STK39: variants seen among roughly 807,000 people sequenced by gnomAD.
STK39 encodes STE20/SPS1-related proline-alanine-rich protein kinase.
In STK39, 20 loss-of-function variants were observed where a neutral mutation model predicts 77.8. The observed-to-expected ratio is 0.26, with a 90% CI of 0.18 to 0.37. The LOEUF (loss-of-function observed/expected upper bound fraction) is 0.37. STK39 is among the 10% of genes least tolerant of loss of function. The probability of loss-of-function intolerance (pLI) is 1.00; values close to 1 mark genes in which losing one functional copy is unlikely to be tolerated. For missense variants in STK39, 479 were observed against 656.5 expected (o/e 0.73, Z 2.95); for synonymous variants, 246 against 234.1 (o/e 1.05, Z -0.47).
intron 1 of STK39, among the ~76,000 whole-genome samples, chr2:168,243,729 C>T (rs1298302010): frequency 2.6e-5 from 4 of 152,212 alleles, no homozygotes; most frequent in Non-Finnish European, 4.4e-5. Flanking sequence ...TTCATTGAGG[C>T]TGCTCCATTC....
intron 1 of STK39, among the ~76,000 whole-genome samples, chr2:168,191,538 C>A (rs1019931497): frequency 4.6e-5 from 7 of 152,180 alleles, no homozygotes; most frequent in African/African-American, 1.4e-4. Context: ...CCTAAGATGT[C>A]TGTTTAAAAA....
chr2:168,100,452 G>C (rs759168024), intron 10 of STK39, among the ~76,000 whole-genome samples: 3 of 152,054 alleles, frequency 2.0e-5, no homozygotes, highest in Non-Finnish European at 2.9e-5. Flanking sequence ...TTTTAAAGAT[G>C]AGGCCTGGGC....
intron 1 of STK39, among the ~76,000 whole-genome samples, chr2:168,208,636 T>C (rs1689802929): frequency 6.6e-6 from 1 of 152,250 alleles, no homozygotes; most frequent in African/African-American, 2.4e-5. Flanking sequence ...ACACGTGTGA[T>C]AGACATTACT....
At chr2:168,165,419 A>G (rs1020490966) in intron 3 of STK39, among the ~76,000 whole-genome samples, 2 of 152,064 alleles carry the variant, frequency 1.3e-5, no homozygotes, top group African/African-American at 4.8e-5. Flanking sequence ...CAGGGTCTCA[A>G]GTCATCAGAA....
intron 10 of STK39, among the ~76,000 whole-genome samples, chr2:168,095,561 C>T (rs143590185): frequency 1.3e-5 from 2 of 150,802 alleles, no homozygotes; most frequent in African/African-American, 4.9e-5. Flanking sequence ...GAAAAGAACA[C>T]TCAAATCCCC....
chr2:168,223,833 CA>C (rs1405204518), intron 1 of STK39, among the ~76,000 whole-genome samples: 1 of 152,048 alleles, frequency 6.6e-6, no homozygotes, highest in Non-Finnish European at 1.5e-5. Context: ...ATGTTTGTAT[CA>C]GAATTATCTG....
intron 10 of STK39, among the ~76,000 whole-genome samples, chr2:168,104,182 G>C (rs1284006239): frequency 6.6e-6 from 1 of 152,160 alleles, no homozygotes; most frequent in African/African-American, 2.4e-5. Flanking sequence ...GAAACACTAA[G>C]AGTAATTATT....
chr2:168,132,810 A>G (rs1476217424), intron 8 of STK39, among the ~76,000 whole-genome samples: 1 of 152,080 alleles, frequency 6.6e-6, no homozygotes, highest in Non-Finnish European at 1.5e-5. Context: ...CAAGGCAGGG[A>G]CCTCATAGAA....
rs190991785 is a variant in STK39 at position 168,107,488 on chromosome 2, G to T, written c.1089+22053C>A. Among the ~76,000 whole-genome samples the T allele has an allele frequency of 3.1e-4, 47 of 152,304 alleles. 1 individual carries two copies. Among genetic ancestry groups the T allele is most frequent in the Admixed American group, 2.9e-3 (44 of 15,298 alleles). On this transcript the variant is annotated intron_variant, in intron 10 of 17. Transcript: ENST00000355999. ...TGCATGACAAGCACCATTTCTGTTT[G>T]CCATCCTCTGTAAAGCACTTAAATA...
intron 17 of STK39, among the ~76,000 whole-genome samples, chr2:167,960,490 A>C (rs529577650): frequency 3.3e-5 from 5 of 152,280 alleles, no homozygotes; most frequent in South Asian, 4.2e-4. Flanking sequence ...CCAGCCAAAA[A>C]ACCCTAAGAA....
At chr2:168,003,162 G>A (rs1388918768) in intron 16 of STK39, among the ~76,000 whole-genome samples, 1 of 152,120 alleles carries the variant, frequency 6.6e-6, no homozygotes, top group Non-Finnish European at 1.5e-5. Context: ...ATTTTTAGTA[G>A]TGATGGGGTT....
chr2:168,015,046 G>A (rs1388078326), intron 15 of STK39, among the ~76,000 whole-genome samples: 1 of 152,164 alleles, frequency 6.6e-6, no homozygotes. Flanking sequence ...CGTGCCATTA[G>A]GCAATTATTT....
intron 10 of STK39, among the ~76,000 whole-genome samples, chr2:168,104,254 T>A (rs1362811937): frequency 6.6e-6 from 1 of 152,180 alleles, no homozygotes; most frequent in African/African-American, 2.4e-5. Context: ...ACCAGTTGAT[T>A]TTTTCTCATA....
chr2:167,986,583 CCTG>C (rs1683565019), intron 16 of STK39, among the ~76,000 whole-genome samples: 1 of 152,184 alleles, frequency 6.6e-6, no homozygotes, highest in African/African-American at 2.4e-5. Flanking sequence ...GCCTTAGATA[CCTG>C]AGCACCAGAA....
intron 1 of STK39, among the ~76,000 whole-genome samples, chr2:168,182,411 T>C (rs1689103904): frequency 6.6e-6 from 1 of 152,156 alleles, no homozygotes; most frequent in South Asian, 2.1e-4. Context: ...CTTTAAAATA[T>C]CTCAAGCTCT....
At chr2:167,964,126 T>C (rs762156821) in intron 17 of STK39, among the ~76,000 whole-genome samples, 5 of 152,234 alleles carry the variant, frequency 3.3e-5, no homozygotes, top group African/African-American at 4.8e-5. Flanking sequence ...GCAGAATAAC[T>C]GTTGAAATAT....
At chr2:167,988,549 C>T (rs961980125) in intron 16 of STK39, among the ~76,000 whole-genome samples, 1 of 151,650 alleles carries the variant, frequency 6.6e-6, no homozygotes, top group African/African-American at 2.4e-5. Flanking sequence ...AAAAGCAAAG[C>T]TGTTTTGAGG....
chr2:167,971,582 T>C (rs1692346397), intron 16 of STK39, among the ~76,000 whole-genome samples: 1 of 152,158 alleles, frequency 6.6e-6, no homozygotes, highest in African/African-American at 2.4e-5. Context: ...ACACATTAGG[T>C]ACAGAAAGCA....
intron 10 of STK39, among the ~76,000 whole-genome samples, chr2:168,103,017 G>A (rs1034878997): frequency 3.3e-5 from 5 of 150,250 alleles, no homozygotes; most frequent in Admixed American, 6.7e-5. Context: ...GACTCCTTCT[G>A]TGTAGGTTTG....
Sources: gnomAD v4.1 joint callset for allele counts (sites outside exome capture counted in the v4.1 genomes callset) on GRCh38, gnomAD v4.1.1 for gene constraint, MANE v1.5 for transcripts, NCBI Gene and HGNC (gene_info 2026-07-23, HGNC 2026-07-21) for gene names.